The following GRIP2 variants were observed in gnomAD, a reference collection of about 807,000 sequenced individuals.
GRIP2 encodes the protein glutamate receptor interacting protein 2.
A neutral mutation model predicts 108.3 loss-of-function variants in GRIP2; 58 were observed. That is an observed-to-expected ratio of 0.54 (90% CI 0.43 to 0.67). GRIP2 has a LOEUF of 0.67. Among genes scored for constraint, GRIP2 ranks in the 30% least tolerant of loss-of-function variants. The pLI, the probability that GRIP2 is intolerant of heterozygous loss-of-function variation, is 0.00. For synonymous variants in GRIP2, 586 were observed against 598.2 expected (o/e 0.98, Z 0.30); for missense variants, 1,278 against 1,430.6 (o/e 0.89, Z 1.72).
chr3:14,509,951 G>A lies in GRIP2; in HGVS notation c.1947C>T (p.Thr649=). The A allele has an allele frequency of 6.6e-7, 1 of 1,520,798 alleles. No homozygotes were observed. 94.2% of individuals were successfully genotyped at this position (1,520,798 alleles called of 1,614,324 possible). Residue 649 remains threonine (T), a synonymous_variant, in exon 17 of 24, where the codon ACC becomes ACT. Coordinates refer to ENST00000621039, the MANE Select transcript of GRIP2 (RefSeq NM_001080423.4). ...KDEDNSDELE[T]TGAVSYTVEL... is the part of the protein sequence containing the mutation. ...CCACTGTGTAACTGACGGCACCTGT[G>A]GTCTCCAGCTCATCTGCAAGCACGG...
At chr3:14,558,573 G>A (rs1453256329), upstream of GRIP2, among the ~76,000 whole-genome samples, 3 of 152,208 alleles carry the variant, frequency 2.0e-5, no homozygotes, top group South Asian at 4.1e-4. Context: ...CTCCCAGGGT[G>A]CGGGAGAGGC....
At chr3:14,545,882 G>A (rs565937415), upstream of GRIP2, among the ~76,000 whole-genome samples, 157 of 152,318 alleles carry the variant, frequency 1.0e-3, no homozygotes, top group Middle Eastern at 0.01. Context: ...TTTCAGCAGT[G>A]AACAGAGCAG....
chr3:14,497,355 G>A (rs1243763191), intron 21 of GRIP2, among the ~76,000 whole-genome samples: 1 of 152,196 alleles, frequency 6.6e-6, no homozygotes, highest in East Asian at 1.9e-4. Flanking sequence ...GTGTTACAGA[G>A]GTGAGGCACT....
the GRIP2 span, among the ~76,000 whole-genome samples, chr3:14,592,854 G>A: frequency 6.6e-6 from 1 of 152,164 alleles, no homozygotes; most frequent in Non-Finnish European, 1.5e-5. Context: ...CAAAAACATG[G>A]AGCCACAATG....
At chr3:14,572,754 G>T in the GRIP2 span, 1 of 550,046 alleles carries the variant, frequency 1.8e-6, no homozygotes. Context: ...GTTCCCACAT[G>T]GAGCAGGTGA....
the GRIP2 span, among the ~76,000 whole-genome samples, chr3:14,567,631 G>T: frequency 5.3e-5 from 8 of 152,216 alleles, no homozygotes; most frequent in African/African-American, 1.9e-4. Context: ...GGCAGTGGGA[G>T]CATTGAGAGA....
At chr3:14,593,069 G>A in the GRIP2 span, among the ~76,000 whole-genome samples, 1 of 152,166 alleles carries the variant, frequency 6.6e-6, no homozygotes, top group Admixed American at 6.5e-5. Flanking sequence ...CACCACACAC[G>A]TGGACACCAC....
In GRIP2 at chr3:14,505,217, C is replaced by T. The variant is rs547259776; in HGVS notation, c.2573+398G>A. ...TGCTCTCTGCAGGAGCCTTCTCCAG[C>T]GGCTCAGCCACTCGGCACAGCCCAG... On this transcript the variant is annotated intron_variant, in intron 20 of 23. Coordinates refer to ENST00000621039, the MANE Select transcript of GRIP2 (RefSeq NM_001080423.4). The surrounding 1 kb of genome is among the most constrained non-coding windows in gnomAD (Gnocchi z 4.2). Among the ~76,000 whole-genome samples, 55 of 152,322 alleles carry T rather than the reference C, an allele frequency of 3.6e-4. No individual in the cohort carries two copies. The highest frequency in any genetic ancestry group is 1.2e-3 in the Admixed American group (18 of 15,314).
chr3:14,572,125 C>T, the GRIP2 span, among the ~76,000 whole-genome samples: 6 of 152,116 alleles, frequency 3.9e-5, no homozygotes, highest in Non-Finnish European at 8.8e-5. Context: ...GTGTGCATTT[C>T]GGTACCGGAG....
At chr3:14,595,003 G>A in the GRIP2 span, among the ~76,000 whole-genome samples, 87 of 152,064 alleles carry the variant, frequency 5.7e-4, no homozygotes, top group African/African-American at 1.1e-3. Flanking sequence ...CTCAAGTGAC[G>A]TTCCCACCTC....
upstream of GRIP2, among the ~76,000 whole-genome samples, chr3:14,560,802 T>G (rs1021237445): frequency 2.6e-5 from 4 of 152,210 alleles, no homozygotes; most frequent in African/African-American, 9.6e-5. Flanking sequence ...TTTGGTAACT[T>G]GGGCCCAAAA....
chr3:14,506,316 G>C (rs544183304), intron 19 of GRIP2, among the ~76,000 whole-genome samples: 1 of 152,112 alleles, frequency 6.6e-6, no homozygotes, highest in Admixed American at 6.5e-5. Context: ...AGACTCAGAC[G>C]TCTCCCTGCG....
chr3:14,543,793 C>T (rs1330563242), upstream of GRIP2, among the ~76,000 whole-genome samples: 1 of 152,202 alleles, frequency 6.6e-6, no homozygotes, highest in African/African-American at 2.4e-5. Flanking sequence ...GCAGGCAGCC[C>T]CTCTTTGGTC....
intron 1 of GRIP2, among the ~76,000 whole-genome samples, chr3:14,527,367 TGAAAG>T (rs776162593): frequency 2.5e-4 from 34 of 135,876 alleles, no homozygotes; most frequent in Middle Eastern, 7.6e-3. Context: ...TCTAATTACT[TGAAAG>T]GAAAGGAAAG....
rs1264028331 is a variant in GRIP2 at position 14,502,397 on chromosome 3, G to A, written c.2679+1169C>T. Among the ~76,000 whole-genome samples, 5 of 152,140 alleles carry A rather than the reference G, an allele frequency of 3.3e-5. No homozygotes were observed. In the East Asian group the frequency reaches 9.6e-4, roughly 29 times the overall value. On this transcript the variant is annotated intron_variant, in intron 21 of 23. Transcript: ENST00000621039. Reference sequence around the variant, plus strand: ...TAATCCCAGTTACTCAGGAGGCTGAGGCATGAGAATCACTTGAACCCAGGA... The same window carrying A: ...TAATCCCAGTTACTCAGGAGGCTGAAGCATGAGAATCACTTGAACCCAGGA...
chr3:14,574,385 C>T, the GRIP2 span: 4 of 869,742 alleles, frequency 4.6e-6, no homozygotes, highest in African/African-American at 6.6e-5. Flanking sequence ...CGGTGCTCAC[C>T]ATCTCCTGTC....
chr3:14,571,717 T>C, the GRIP2 span, among the ~76,000 whole-genome samples: 3,277 of 152,278 alleles, frequency 0.022, 42 homozygotes, highest in Non-Finnish European at 0.035. Context: ...TTGTTCAATC[T>C]GCACACATCT....
rs774199365 is a variant in GRIP2, at chr3:14,525,402, C to T, written c.257+35G>A. On this transcript the variant is annotated intron_variant, in intron 3 of 23. Transcript: ENST00000621039. ...TGGGCTCCCATCATTGCCTCTGCAC[C>T]CCCCTCCTGCGGCCGTGCCAAGCCC... The T allele has an allele frequency of 2.5e-6, 4 of 1,605,402 alleles. No individual in the cohort carries two copies. The African/African-American group carries it at 4.0e-5, about 16-fold the overall frequency.
chr3:14,539,482 G>A (rs888766700), intron 1 of GRIP2, among the ~76,000 whole-genome samples: 2 of 152,132 alleles, frequency 1.3e-5, no homozygotes, highest in African/African-American at 4.8e-5. Flanking sequence ...CTGAGCCTTG[G>A]TTTCCTCCTC....
Sources: allele counts gnomAD v4.1 joint callset (sites outside exome capture counted in the v4.1 genomes callset), GRCh38; gene constraint gnomAD v4.1.1; non-coding constraint Gnocchi (gnomAD v3.1); transcripts MANE v1.5; gene names NCBI Gene and HGNC (gene_info 2026-07-23, HGNC 2026-07-21).